The following FER variants were observed in gnomAD, a reference collection of about 807,000 sequenced individuals.
FER encodes the protein tyrosine-protein kinase Fer.
FER carries 63 observed loss-of-function variants against 111.0 expected under a neutral mutation model. That is an observed-to-expected ratio of 0.57 (90% confidence interval 0.46 to 0.70). The LOEUF (loss-of-function observed/expected upper bound fraction) is 0.70. Ranked by LOEUF, FER falls within the 30% of genes least tolerant of loss-of-function variation. FER has a pLI of 0.00. For synonymous variants in FER, 327 were observed against 313.9 expected (o/e 1.04, Z -0.44); for missense variants, 914 against 954.0 (o/e 0.96, Z 0.55).
At chr5:108,847,722 CT>C (rs1319475231) in intron 5 of FER, among the ~76,000 whole-genome samples, 5 of 151,988 alleles carry the variant, frequency 3.3e-5, no homozygotes, top group African/African-American at 9.7e-5. Context: ...GTATTATATT[CT>C]TTTGATGACC....
rs1159017401 is a variant in FER, at chr5:108,897,658, G to A, written c.1047-1G>A. On this transcript the variant is annotated splice_acceptor_variant, in intron 9 of 19. Coordinates refer to ENST00000281092, the MANE Select transcript of FER (RefSeq NM_005246.4). LOFTEE classifies it high-confidence loss of function. Reference sequence around the variant, plus strand: ...AATCATTTATATTTATTCTCTTTTAGTATTGTGCTTCTGCTAAGCCAAAAA... The same window carrying A: ...AATCATTTATATTTATTCTCTTTTAATATTGTGCTTCTGCTAAGCCAAAAA... 9 of 1,580,196 alleles carry A rather than the reference G, an allele frequency of 5.7e-6. No individual in the cohort carries two copies. The highest frequency in any genetic ancestry group is 7.7e-6 in the Non-Finnish European group (9 of 1,166,536).
chr5:109,051,824 T>A, intron 16 of FER: 4 of 1,594,488 alleles, frequency 2.5e-6, no homozygotes, highest in Non-Finnish European at 3.4e-6. Flanking sequence ...ACCACCAGCA[T>A]GAAGATGATG....
In FER at chr5:109,194,045, A is replaced by AGAGGTATCCTGG. The variant is rs560213558; in HGVS notation, c.*6487_*6498dup. 1 of 152,202 alleles carries AGAGGTATCCTGG rather than the reference A, an allele frequency of 6.6e-6. No homozygotes were observed. Among genetic ancestry groups the AGAGGTATCCTGG allele is most frequent in the Non-Finnish European group, 1.5e-5 (1 of 68,044 alleles). The allele number at this position is 152,202 out of a possible 1,614,324, so 9.4% of individuals were successfully genotyped here. A position where few individuals can be genotyped will look rare whatever the true frequency, so the allele number is the denominator to read the frequency against. ...CTAACGCAGCAAGATTTCTGTGAGTAGAGGTATCCTGGGAGGTATCCTGGG... is the reference window on the plus strand; with the variant it reads ...CTAACGCAGCAAGATTTCTGTGAGTAGAGGTATCCTGGGAGGTATCCTGGGAGGTATCCTGGG... On this transcript the variant is annotated 3_prime_UTR_variant, in exon 20 of 20. Transcript: ENST00000281092.
chr5:108,895,256 T>C (rs1748902598), intron 9 of FER, among the ~76,000 whole-genome samples: 1 of 152,182 alleles, frequency 6.6e-6, no homozygotes, highest in African/African-American at 2.4e-5. Flanking sequence ...GTTTAATCTT[T>C]TCCTTTTAAA....
chr5:109,092,799 C>T (rs1041969252), intron 16 of FER, among the ~76,000 whole-genome samples: 8 of 152,082 alleles, frequency 5.3e-5, no homozygotes, highest in East Asian at 1.9e-4. Flanking sequence ...TGAAAAGATA[C>T]GGTTACACTT....
intron 5 of FER, among the ~76,000 whole-genome samples, chr5:108,850,757 C>T (rs543819761): frequency 2.0e-5 from 3 of 151,980 alleles, no homozygotes; most frequent in Non-Finnish European, 2.9e-5. Context: ...TTTACTACAC[C>T]GTTATTTTAC....
chr5:109,029,333 G>C (rs1769256227), intron 13 of FER, among the ~76,000 whole-genome samples: 1 of 149,070 alleles, frequency 6.7e-6, no homozygotes, highest in Non-Finnish European at 1.5e-5. Context: ...TGCCATGCTG[G>C]TGTGCTGCAC....
At chr5:108,911,568 G>A (rs1751550588) in intron 10 of FER, among the ~76,000 whole-genome samples, 1 of 151,928 alleles carries the variant, frequency 6.6e-6, no homozygotes, top group Admixed American at 6.6e-5. Context: ...GTGTTTCTTA[G>A]GTTTTCTTCT....
rs113167764 is a variant in FER at position 108,818,017 on chromosome 5, T to A, written c.208-14753T>A. 14 of 152,294 alleles carry A rather than the reference T, an allele frequency of 9.2e-5. 1 individual carries two copies. The highest frequency in any genetic ancestry group is 2.0e-4 in the Admixed American group (3 of 15,290). 9.4% of individuals were successfully genotyped at this position (152,294 alleles called of 1,614,324 possible). On this transcript the variant is annotated intron_variant, in intron 3 of 19. Transcript: ENST00000281092. ...TTTTTGGGGTAGATGAGAATAAAATTTCTGTAAATTGAATTATTATTCCTC... is the reference window on the plus strand; with the variant it reads ...TTTTTGGGGTAGATGAGAATAAAATATCTGTAAATTGAATTATTATTCCTC...
chr5:108,879,372 A>G (rs1445565237), intron 8 of FER, among the ~76,000 whole-genome samples: 4 of 151,912 alleles, frequency 2.6e-5, no homozygotes, highest in Non-Finnish European at 5.9e-5. Flanking sequence ...CATTAACTAT[A>G]TATCCTAATG....
intron 13 of FER, among the ~76,000 whole-genome samples, chr5:108,981,941 T>C (rs938594266): frequency 3.3e-5 from 5 of 152,156 alleles, no homozygotes; most frequent in African/African-American, 1.2e-4. Flanking sequence ...CTGTTTCTTA[T>C]AACCATCAAT....
chr5:109,132,655 A>T (rs774646651), intron 17 of FER, among the ~76,000 whole-genome samples: 2 of 152,162 alleles, frequency 1.3e-5, no homozygotes, highest in Admixed American at 6.6e-5. Flanking sequence ...GTTCAAGTTC[A>T]TGTTGATGTC....
Position 109,189,434 on chromosome 5 carries a change from A to AGAG in FER, c.*1860_*1862dup, listed in dbSNP as rs1759212868. On this transcript the variant is annotated 3_prime_UTR_variant, in exon 20 of 20. Coordinates refer to ENST00000281092, the MANE Select transcript of FER (RefSeq NM_005246.4). ...CGCACAGAACTCACACCAGTACTTT[A>AGAG]GAGTATGAAAGATAATACTGAAGAG... 6.6e-6 allele frequency: 1 copy of AGAG among 152,242 alleles called. No individual in the cohort carries two copies. 9.4% of individuals were successfully genotyped at this position (152,242 alleles called of 1,614,324 possible). A position where few individuals can be genotyped will look rare whatever the true frequency, so the allele number is the denominator to read the frequency against.
intron 13 of FER, among the ~76,000 whole-genome samples, chr5:108,985,635 T>C (rs1762486013): frequency 6.6e-6 from 1 of 152,188 alleles, no homozygotes; most frequent in Non-Finnish European, 1.5e-5. Flanking sequence ...ATCATTCTTA[T>C]GCCTTTGCAT....
chr5:108,980,079 CAATT>C (rs1761855975), intron 13 of FER, among the ~76,000 whole-genome samples: 1 of 152,030 alleles, frequency 6.6e-6, no homozygotes, highest in African/African-American at 2.4e-5. Flanking sequence ...ACTGAGTAAT[CAATT>C]GTTTCAATGA....
chr5:108,825,861 C>G (rs1025822698), intron 3 of FER, among the ~76,000 whole-genome samples: 3 of 152,194 alleles, frequency 2.0e-5, no homozygotes, highest in Non-Finnish European at 4.4e-5. Context: ...TGACTTCCCG[C>G]AACACAAGAT....
rs1002450910 is a variant in FER, at chr5:109,189,259, G to A, written c.*1684G>A. 6.6e-6 allele frequency: 1 copy of A among 152,108 alleles called. No homozygotes were observed. The highest frequency in any genetic ancestry group is 1.5e-5 in the Non-Finnish European group (1 of 68,024). The allele number at this position is 152,108 out of a possible 1,614,324, so 9.4% of individuals were successfully genotyped here. A position where few individuals can be genotyped will look rare whatever the true frequency, so the allele number is the denominator to read the frequency against. On this transcript the variant is annotated 3_prime_UTR_variant, in exon 20 of 20. Transcript: ENST00000281092. ...ATATATAGAAGATGGTCATGCTCAGGGCTAAATATGTTCTGGAAGCCTTTT... is the reference window on the plus strand; with the variant it reads ...ATATATAGAAGATGGTCATGCTCAGAGCTAAATATGTTCTGGAAGCCTTTT...
chr5:109,184,573 A>G (rs551128028), intron 18 of FER, among the ~76,000 whole-genome samples: 60 of 152,272 alleles, frequency 3.9e-4, no homozygotes, highest in Non-Finnish European at 8.7e-4. Context: ...ACAAAATAAG[A>G]TATGAGTCTG....
At chr5:108,797,296 G>A (rs976904851) in intron 2 of FER, among the ~76,000 whole-genome samples, 1 of 152,106 alleles carries the variant, frequency 6.6e-6, no homozygotes, top group African/African-American at 2.4e-5. Flanking sequence ...GCAGAAGGAT[G>A]GAGTCACTTT....
Sources: allele counts gnomAD v4.1 joint callset (sites outside exome capture counted in the v4.1 genomes callset), GRCh38; gene constraint gnomAD v4.1.1; transcripts MANE v1.5; gene names NCBI Gene and HGNC (gene_info 2026-07-23, HGNC 2026-07-21).